The following PDE3B variants were observed in gnomAD, a reference collection of about 807,000 sequenced individuals.
The protein encoded by PDE3B is cGMP-inhibited 3',5'-cyclic phosphodiesterase 3B.
PDE3B carries 66 observed loss-of-function variants against 116.8 expected under a neutral mutation model. That is an observed-to-expected ratio of 0.56 (90% CI 0.46 to 0.69). The LOEUF is 0.69. Among genes scored for constraint, PDE3B ranks in the 30% least tolerant of loss-of-function variants. The pLI is 0.00. For missense variants in PDE3B, 1,384 were observed against 1,368.1 expected, an observed-to-expected ratio of 1.01 and a Z score of -0.18; for synonymous variants, 595 against 533.6, an observed-to-expected ratio of 1.12 and a Z score of -1.59.
chr11:14,667,014 G>C (rs998191279), intron 1 of PDE3B, among the ~76,000 whole-genome samples: 5 of 152,080 alleles, frequency 3.3e-5, no homozygotes, highest in Admixed American at 3.3e-4. Flanking sequence ...ATTCACAATA[G>C]CAAAGACTTG....
intron 14 of PDE3B, among the ~76,000 whole-genome samples, chr11:14,861,674 G>A (rs1847953443): frequency 6.6e-6 from 1 of 152,152 alleles, no homozygotes; most frequent in Non-Finnish European, 1.5e-5. Context: ...CCCCTCAGAA[G>A]AAAGAATTCA....
intron 1 of PDE3B, chr11:14,674,570 C>T (rs1034170083): frequency 3.1e-5 from 11 of 359,150 alleles, no homozygotes; most frequent in African/African-American, 2.4e-4. Flanking sequence ...AAGTGATTTG[C>T]TGTCTCCTCC....
intron 1 of PDE3B, among the ~76,000 whole-genome samples, chr11:14,754,076 A>G (rs1259365117): frequency 6.6e-6 from 1 of 152,050 alleles, no homozygotes; most frequent in Non-Finnish European, 1.5e-5. Context: ...AGACAAAGGA[A>G]TATGAGTATG....
At chr11:14,758,678 TGCTTATCAGCTTAAG>T (rs1485170440) in intron 1 of PDE3B, among the ~76,000 whole-genome samples, 2 of 150,028 alleles carry the variant, frequency 1.3e-5, no homozygotes, top group Non-Finnish European at 3.0e-5. Flanking sequence ...TTGCTGAAGT[TGCTTATCAGCTTAAG>T]GAGATTTTGG....
At chr11:14,695,113 C>T (rs901753455) in intron 1 of PDE3B, among the ~76,000 whole-genome samples, 12 of 152,108 alleles carry the variant, frequency 7.9e-5, no homozygotes, top group Admixed American at 2.0e-4. Flanking sequence ...TTTGTTTTCT[C>T]GTTTTTCAAT....
At chr11:14,769,206 T>A (rs918899283) in intron 1 of PDE3B, among the ~76,000 whole-genome samples, 2 of 151,366 alleles carry the variant, frequency 1.3e-5, no homozygotes, top group African/African-American at 2.4e-5. Flanking sequence ...GTGAATTTAT[T>A]GAGGGAGATG....
At position 14,859,254 on chromosome 11, in the gene PDE3B, A is replaced by G. The variant is rs1847904247; in HGVS notation, c.2724+8A>G. 2 of 1,591,190 alleles carry G rather than the reference A, an allele frequency of 1.3e-6. No individual in the cohort carries two copies. Among genetic ancestry groups the G allele is most frequent in the African/African-American group, 1.4e-5 (1 of 74,032 alleles). On this transcript the variant is annotated splice_region_variant and intron_variant, in intron 13 of 15. Transcript: ENST00000282096. ...GCAGAATTCAATGCCAAGGTTTGTT[A>G]TGAAAATTAGTGCCTGATTTAAAAA...
intron 12 of PDE3B, among the ~76,000 whole-genome samples, chr11:14,851,130 C>G (rs766676995): frequency 1.3e-5 from 2 of 151,864 alleles, no homozygotes; most frequent in Non-Finnish European, 2.9e-5. Context: ...GCCCTAAATA[C>G]GTGGTTTTAA....
intron 2 of PDE3B, chr11:14,772,600 C>T (rs1028761359): frequency 2.6e-5 from 4 of 151,880 alleles, no homozygotes; most frequent in African/African-American, 9.7e-5. Flanking sequence ...TAAATCCTAT[C>T]CGACTTCTAA....
chr11:14,877,330 C>T, the PDE3B span: 8 of 152,230 alleles, frequency 5.3e-5, no homozygotes, highest in South Asian at 1.7e-3. Context: ...ATGGAAATGC[C>T]TAGAGACCTC....
At chr11:14,839,269 C>T (rs1185546853) in intron 11 of PDE3B, among the ~76,000 whole-genome samples, 1 of 152,122 alleles carries the variant, frequency 6.6e-6, no homozygotes, top group African/African-American at 2.4e-5. Flanking sequence ...GAAAGAGGAC[C>T]ATCGTTGTAG....
At chr11:14,678,668 GATTTGTGATTTGCAAAT>G (rs1468240830) in intron 1 of PDE3B, among the ~76,000 whole-genome samples, 1 of 152,008 alleles carries the variant, frequency 6.6e-6, no homozygotes, top group African/African-American at 2.4e-5. Flanking sequence ...TCTTTTGTTG[GATTTGTGATTTGCAAAT>G]ATTTTCTTCC....
intron 4 of PDE3B, among the ~76,000 whole-genome samples, chr11:14,801,496 T>C (rs1858763619): frequency 6.6e-6 from 1 of 152,220 alleles, no homozygotes; most frequent in Non-Finnish European, 1.5e-5. Flanking sequence ...GCCTGTTCTT[T>C]CCTCTGGAAG....
intron 1 of PDE3B, among the ~76,000 whole-genome samples, chr11:14,697,099 C>T (rs1388069598): frequency 6.6e-6 from 1 of 151,804 alleles, no homozygotes; most frequent in Non-Finnish European, 1.5e-5. Flanking sequence ...CCATGTCCAG[C>T]AATTTTTTGA....
chr11:14,668,032 T>TA (rs200897741), intron 1 of PDE3B, among the ~76,000 whole-genome samples: 214 of 131,110 alleles, frequency 1.6e-3, no homozygotes, highest in East Asian at 0.014. Flanking sequence ...AATGCAAGAG[T>TA]AAAAAAAAAA....
rs1037379122 is a variant in PDE3B, at chr11:14,783,970, C to T, written c.1030-2467C>T. On this transcript the variant is annotated intron_variant, in intron 2 of 15. Coordinates refer to ENST00000282096, the MANE Select transcript of PDE3B (RefSeq NM_000922.4). ...ATGAGCATTACCACCTGAGCTCTGC[C>T]TCTTGTCAGATCAGCCACCACATTA... 2.6e-5 allele frequency among the ~76,000 whole-genome samples: 4 copies of T among 152,188 alleles called. No individual in the cohort carries two copies. The East Asian group carries it at 5.8e-4, about 22-fold the overall frequency.
chr11:14,873,639 T>G (rs1848164913), downstream of PDE3B, among the ~76,000 whole-genome samples: 1 of 152,172 alleles, frequency 6.6e-6, no homozygotes, highest in African/African-American at 2.4e-5. Flanking sequence ...TTAAGGGGCT[T>G]GAGACAACCA....
At chr11:14,679,180 C>CT (rs994786902) in intron 1 of PDE3B, among the ~76,000 whole-genome samples, 7 of 148,668 alleles carry the variant, frequency 4.7e-5, no homozygotes, top group South Asian at 2.1e-4. Context: ...ATCTTCTTAT[C>CT]TTTTTTTTTT....
chr11:14,710,528 G>T (rs1252482633), intron 1 of PDE3B, among the ~76,000 whole-genome samples: 1 of 152,146 alleles, frequency 6.6e-6, no homozygotes, highest in African/African-American at 2.4e-5. Context: ...TTCCCATCAG[G>T]ATTGATATAC....
Sources: allele counts gnomAD v4.1 joint callset (sites outside exome capture counted in the v4.1 genomes callset), GRCh38; gene constraint gnomAD v4.1.1; transcripts MANE v1.5; gene names NCBI Gene and HGNC (gene_info 2026-07-23, HGNC 2026-07-21).